PID1: variants seen among roughly 807,000 people sequenced by gnomAD.
PID1 encodes PTB-containing, cubilin and LRP1-interacting protein.
A neutral mutation model predicts 19.1 loss-of-function variants in PID1; 10 were observed. The observed-to-expected ratio is 0.52, with a 90% confidence interval of 0.32 to 0.89. The LOEUF (loss-of-function observed/expected upper bound fraction) is 0.89. Ranked by LOEUF, PID1 falls within the 40% of genes least tolerant of loss-of-function variation. PID1 has a pLI of 0.03. For missense variants in PID1, 248 were observed against 285.3 expected (o/e 0.87, Z 0.94); for synonymous variants, 130 against 116.0 (o/e 1.12, Z -0.78).
chr2:229,113,923 G>T (rs1695354508), intron 2 of PID1, among the ~76,000 whole-genome samples: 1 of 152,088 alleles, frequency 6.6e-6, no homozygotes, highest in African/African-American at 2.4e-5. Context: ...CTACTTAAAT[G>T]AGTAGATTTA....
chr2:229,209,139 T>C (rs1156500144), intron 1 of PID1, among the ~76,000 whole-genome samples: 1 of 152,220 alleles, frequency 6.6e-6, no homozygotes, highest in Non-Finnish European at 1.5e-5. Context: ...ATGCAAAATG[T>C]CCTGATCTTT....
chr2:229,110,969 A>C (rs1429345872), intron 2 of PID1, among the ~76,000 whole-genome samples: 1 of 152,136 alleles, frequency 6.6e-6, no homozygotes, highest in East Asian at 1.9e-4. Flanking sequence ...ATGGGAGATA[A>C]TTGAATCATG....
intron 2 of PID1, among the ~76,000 whole-genome samples, chr2:229,110,168 C>T (rs1484866047): frequency 3.3e-5 from 5 of 152,166 alleles, no homozygotes; most frequent in African/African-American, 7.2e-5. Context: ...CTAGGTTTTA[C>T]GTGATTTAAT....
chr2:229,260,580 T>C (rs1287270524), intron 1 of PID1, among the ~76,000 whole-genome samples: 1 of 151,570 alleles, frequency 6.6e-6, no homozygotes, highest in Non-Finnish European at 1.5e-5. Flanking sequence ...CACATATGTA[T>C]ACACTTGCAA....
chr2:229,256,608 A>G (rs1553588373), intron 1 of PID1, among the ~76,000 whole-genome samples: 1 of 152,224 alleles, frequency 6.6e-6, no homozygotes, highest in Non-Finnish European at 1.5e-5. Context: ...AATTATTTAA[A>G]GACTGAAACT....
chr2:229,197,453 C>T (rs185404442), intron 1 of PID1, among the ~76,000 whole-genome samples: 1 of 151,938 alleles, frequency 6.6e-6, no homozygotes, highest in East Asian at 1.9e-4. Flanking sequence ...AGAGAAGATA[C>T]ATTATACATA....
At position 229,093,664 on chromosome 2, in the gene PID1, T is replaced by C. The variant is rs970026456; in HGVS notation, c.177+62154A>G. Reference sequence around the variant, plus strand: ...AACATATACAAGTCGATAAATGTGATTCACCACATAAACAGAACTTTAAAA... The same window carrying C: ...AACATATACAAGTCGATAAATGTGACTCACCACATAAACAGAACTTTAAAA... On this transcript the variant is annotated intron_variant, in intron 2 of 2. Coordinates refer to ENST00000392055, the MANE Select transcript of PID1 (RefSeq NM_001100818.2). Among the ~76,000 whole-genome samples, 14 of 152,098 alleles carry C rather than the reference T, an allele frequency of 9.2e-5. 1 individual carries two copies. Among genetic ancestry groups the C allele is most frequent in the Non-Finnish European group, 1.5e-4 (10 of 68,018 alleles).
At chr2:229,218,870 C>T (rs1250973865) in intron 1 of PID1, among the ~76,000 whole-genome samples, 1 of 152,224 alleles carries the variant, frequency 6.6e-6, no homozygotes, top group Non-Finnish European at 1.5e-5. Flanking sequence ...CAGAAACCCT[C>T]TGTATGGATC....
At chr2:229,126,987 G>A (rs773830033) in intron 2 of PID1, among the ~76,000 whole-genome samples, 7 of 152,194 alleles carry the variant, frequency 4.6e-5, no homozygotes, top group Non-Finnish European at 8.8e-5. Context: ...CTGTGGCTCC[G>A]CCATTCCCCA....
At chr2:229,149,763 A>G (rs1431322661) in intron 2 of PID1, among the ~76,000 whole-genome samples, 3 of 152,182 alleles carry the variant, frequency 2.0e-5, no homozygotes, top group Non-Finnish European at 2.9e-5. Context: ...GCCTCACTCA[A>G]GAGGAGACAA....
chr2:229,032,615 A>G (rs970879750), intron 2 of PID1, among the ~76,000 whole-genome samples: 3 of 152,226 alleles, frequency 2.0e-5, no homozygotes, highest in Non-Finnish European at 2.9e-5. Context: ...TTGGAAGATG[A>G]CAAGAGGGGT....
At chr2:229,052,761 T>C (rs192361162) in intron 2 of PID1, among the ~76,000 whole-genome samples, 48 of 152,244 alleles carry the variant, frequency 3.2e-4, no homozygotes, top group Non-Finnish European at 2.9e-5. Context: ...TGGCTTCTAG[T>C]TGACATGAGG....
At chr2:229,162,720 T>C (rs758617385) in intron 1 of PID1, among the ~76,000 whole-genome samples, 8 of 152,228 alleles carry the variant, frequency 5.3e-5, no homozygotes, top group Non-Finnish European at 1.0e-4. Context: ...TTCATTTTAT[T>C]ACTTTGGGGA....
chr2:229,252,225 T>C (rs941471072), intron 1 of PID1, among the ~76,000 whole-genome samples: 9 of 152,198 alleles, frequency 5.9e-5, no homozygotes, highest in East Asian at 3.8e-4. Flanking sequence ...CCATTAATTA[T>C]AGGGAAAGGA....
chr2:229,195,505 T>C (rs1311882114), intron 1 of PID1, among the ~76,000 whole-genome samples: 1 of 151,910 alleles, frequency 6.6e-6, no homozygotes, highest in African/African-American at 2.4e-5. Context: ...ATTTTTTCCT[T>C]AAACACTAGG....
intron 2 of PID1, among the ~76,000 whole-genome samples, chr2:229,044,819 T>C (rs1693840754): frequency 6.6e-6 from 1 of 152,190 alleles, no homozygotes; most frequent in Non-Finnish European, 1.5e-5. Context: ...ATGTGAGTCA[T>C]AGTAATAGCA....
At chr2:229,103,165 G>A (rs1218602244) in intron 2 of PID1, among the ~76,000 whole-genome samples, 1 of 152,064 alleles carries the variant, frequency 6.6e-6, no homozygotes, top group African/African-American at 2.4e-5. Flanking sequence ...GAGAAACTTC[G>A]GGTGCCCACC....
chr2:229,168,066 T>C (rs1032314894), intron 1 of PID1, among the ~76,000 whole-genome samples: 3 of 152,208 alleles, frequency 2.0e-5, no homozygotes, highest in African/African-American at 7.2e-5. Flanking sequence ...AATATGTCTT[T>C]TGTTTGTGAC....
chr2:229,199,745 T>TATATACAC (rs1491155550), intron 1 of PID1, among the ~76,000 whole-genome samples: 1 of 122,528 alleles, frequency 8.2e-6, no homozygotes, highest in African/African-American at 2.9e-5. Context: ...TATATATATA[T>TATATACAC]ACACATACAC....
Sources: gnomAD v4.1 joint callset for allele counts (sites outside exome capture counted in the v4.1 genomes callset) on GRCh38, gnomAD v4.1.1 for gene constraint, MANE v1.5 for transcripts, NCBI Gene and HGNC (gene_info 2026-07-23, HGNC 2026-07-21) for gene names.